Variants in FGF12 observed in about 807,000 individuals in gnomAD.
The protein encoded by FGF12 is fibroblast growth factor 12, also known as fibroblast growth factor 12B.
A neutral mutation model predicts 23.6 loss-of-function variants in FGF12; 14 were observed. That is an observed-to-expected ratio of 0.59 (90% CI 0.39 to 0.93). The LOEUF (loss-of-function observed/expected upper bound fraction) is 0.93. Among genes scored for constraint, FGF12 ranks in the 40% least tolerant of loss-of-function variants. The pLI, the probability that FGF12 is intolerant of heterozygous loss-of-function variation, is 0.00. For missense variants in FGF12, 175 were observed against 217.8 expected, an observed-to-expected ratio of 0.80 and a Z score of 1.24; for synonymous variants, 62 against 77.3, an observed-to-expected ratio of 0.80 and a Z score of 1.04.
At chr3:192,640,481 T>A (rs555057237) in intron 2 of FGF12, among the ~76,000 whole-genome samples, 4 of 152,090 alleles carry the variant, frequency 2.6e-5, no homozygotes, top group Non-Finnish European at 2.9e-5. Flanking sequence ...CAGAGGTAGG[T>A]TATTCAGAGC....
At chr3:192,326,901 C>T (rs1194808049) in intron 4 of FGF12, among the ~76,000 whole-genome samples, 1 of 152,138 alleles carries the variant, frequency 6.6e-6, no homozygotes, top group Non-Finnish European at 1.5e-5. Flanking sequence ...ACTTTTGTCA[C>T]TCAGCAATAA....
intron 4 of FGF12, among the ~76,000 whole-genome samples, chr3:192,318,631 A>C (rs542668688): frequency 1.8e-4 from 27 of 152,258 alleles, no homozygotes; most frequent in African/African-American, 6.3e-4. Context: ...GTTGGCCTTA[A>C]GGAGGAAGTA....
intron 2 of FGF12, among the ~76,000 whole-genome samples, chr3:192,506,320 C>T (rs1296223722): frequency 1.3e-5 from 2 of 152,214 alleles, no homozygotes; most frequent in African/African-American, 4.8e-5. Context: ...AAACAAATAT[C>T]CTGTGGCAGT....
chr3:192,416,472 C>T (rs753744059), intron 2 of FGF12, among the ~76,000 whole-genome samples: 3 of 151,980 alleles, frequency 2.0e-5, no homozygotes, highest in Non-Finnish European at 4.4e-5. Flanking sequence ...GAAATTATGG[C>T]ACTGATTTGT....
chr3:192,659,494 T>C (rs1716572553), intron 2 of FGF12, among the ~76,000 whole-genome samples: 1 of 151,942 alleles, frequency 6.6e-6, no homozygotes, highest in South Asian at 2.1e-4. Flanking sequence ...ATCAGAAATC[T>C]TACATCCCCC....
At chr3:192,371,855 T>A (rs4687327) in intron 2 of FGF12, among the ~76,000 whole-genome samples, 31,335 of 152,130 alleles carry the variant, frequency 0.21, 3,871 homozygotes, top group African/African-American at 0.32. Flanking sequence ...GCTTTACACC[T>A]CATTGTTAAT....
At chr3:192,311,939 A>G (rs1715964419) in intron 4 of FGF12, among the ~76,000 whole-genome samples, 1 of 150,456 alleles carries the variant, frequency 6.6e-6, no homozygotes, top group African/African-American at 2.4e-5. Flanking sequence ...CTATCTATCT[A>G]TCTATCTATC....
rs73887656 is a variant in FGF12, at chr3:192,636,776, G to A, written c.13+90405C>T. ...CTCAGGCACTCAGGAGAGCAACAGC[G>A]ATGTTATCAGAGAGGACAATTCCAA... On this transcript the variant is annotated intron_variant, in intron 2 of 5. Coordinates refer to ENST00000445105, the MANE Select transcript of FGF12 (RefSeq NM_004113.6). Among the ~76,000 whole-genome samples, 1,106 of 152,296 alleles carry A rather than the reference G, an allele frequency of 7.3e-3. 10 individuals carry two copies. The highest frequency in any genetic ancestry group is 0.025 in the African/African-American group (1,047 of 41,556).
intron 2 of FGF12, among the ~76,000 whole-genome samples, chr3:192,536,922 G>A (rs999745104): frequency 6.7e-6 from 1 of 150,142 alleles, no homozygotes; most frequent in Non-Finnish European, 1.5e-5. Context: ...CTACATTTTT[G>A]TACTCATTAA....
intron 2 of FGF12, among the ~76,000 whole-genome samples, chr3:192,638,481 T>C (rs1401632014): frequency 1.3e-5 from 2 of 152,202 alleles, no homozygotes; most frequent in Admixed American, 6.5e-5. Flanking sequence ...AAAGATTTCA[T>C]TAAAATGTTA....
At chr3:192,507,370 CACACACACACAT>C (rs1307559697) in intron 2 of FGF12, among the ~76,000 whole-genome samples, 50 of 137,594 alleles carry the variant, frequency 3.6e-4, no homozygotes, top group African/African-American at 9.1e-4. Flanking sequence ...CACACACACA[CACACACACACAT>C]ACAAGCACAC....
chr3:192,303,639 A>G (rs890577606), intron 4 of FGF12, among the ~76,000 whole-genome samples: 2 of 152,218 alleles, frequency 1.3e-5, no homozygotes, highest in African/African-American at 4.8e-5. Flanking sequence ...GTGTGTTTAA[A>G]TTATGAACAG....
intron 4 of FGF12, among the ~76,000 whole-genome samples, chr3:192,203,097 AT>A (rs1182458266): frequency 6.6e-6 from 1 of 151,732 alleles, no homozygotes; most frequent in African/African-American, 2.4e-5. Flanking sequence ...TATTGTTTAG[AT>A]TTTTTTTAAA....
At chr3:192,327,703 C>T (rs1473295935) in intron 4 of FGF12, among the ~76,000 whole-genome samples, 2 of 151,690 alleles carry the variant, frequency 1.3e-5, no homozygotes, top group Non-Finnish European at 2.9e-5. Context: ...TCAAATTATA[C>T]AAATTGCTTT....
In FGF12 at chr3:192,169,177, C is replaced by A. The variant is rs567564217; in HGVS notation, c.427+1281G>T. ...CCAACATGGCGAAATCCTGTCTCTA[C>A]TAAAAATACAAAAATTAGCCGGGTG... On this transcript the variant is annotated intron_variant, in intron 5 of 5. Coordinates refer to ENST00000445105, the MANE Select transcript of FGF12 (RefSeq NM_004113.6). Among the ~76,000 whole-genome samples, 15 of 152,086 alleles carry A rather than the reference C, an allele frequency of 9.9e-5. 1 individual carries two copies. In the South Asian group the frequency reaches 3.1e-3, roughly 32 times the overall value.
chr3:192,631,873 T>C (rs140724902), intron 2 of FGF12, among the ~76,000 whole-genome samples: 1,855 of 152,308 alleles, frequency 0.012, 148 homozygotes, highest in Admixed American at 0.11. Flanking sequence ...GGTCTTCACA[T>C]GCTAGTGGGG....
At chr3:192,589,088 G>T (rs1713513497) in intron 2 of FGF12, among the ~76,000 whole-genome samples, 1 of 151,776 alleles carries the variant, frequency 6.6e-6, no homozygotes, top group Non-Finnish European at 1.5e-5. Flanking sequence ...TGTAATCCCA[G>T]CACTTTGGCA....
intron 2 of FGF12, among the ~76,000 whole-genome samples, chr3:192,438,387 T>C (rs1405255144): frequency 6.6e-6 from 1 of 152,208 alleles, no homozygotes; most frequent in African/African-American, 2.4e-5. Context: ...TTTAAATTAA[T>C]TGGAGAAGGT....
chr3:192,627,667 A>C (rs572862944), intron 2 of FGF12, among the ~76,000 whole-genome samples: 142 of 152,308 alleles, frequency 9.3e-4, no homozygotes, highest in Non-Finnish European at 1.8e-3. Context: ...ATTTATTTGA[A>C]ATTTTTACAA....
Sources: gnomAD v4.1 joint callset for allele counts (sites outside exome capture counted in the v4.1 genomes callset) on GRCh38, gnomAD v4.1.1 for gene constraint, MANE v1.5 for transcripts, NCBI Gene and HGNC (gene_info 2026-07-23, HGNC 2026-07-21) for gene names.